The following CBR4 variants were observed in gnomAD, a reference collection of about 807,000 sequenced individuals.
CBR4 encodes carbonyl reductase 4.
In CBR4, 22 loss-of-function variants were observed where a neutral mutation model predicts 21.0. That is an observed-to-expected ratio of 1.05 (90% CI 0.75 to 1.50). CBR4 has a LOEUF of 1.50. CBR4 is among the 40% of genes most tolerant of loss of function. The pLI is 0.00. For missense variants in CBR4, 302 were observed against 286.3 expected, an observed-to-expected ratio of 1.05 and a Z score of -0.40; for synonymous variants, 100 against 104.4, an observed-to-expected ratio of 0.96 and a Z score of 0.26.
chr4:168,954,192 C>A (rs933275211), intron 2 of CBR4, among the ~76,000 whole-genome samples: 3 of 152,114 alleles, frequency 2.0e-5, no homozygotes, highest in Admixed American at 1.3e-4. Flanking sequence ...CACACACACA[C>A]AAATAAAATA....
intron 2 of CBR4, chr4:168,927,453 G>GGAA (rs1345882708): frequency 1.3e-5 from 3 of 232,720 alleles, no homozygotes; most frequent in African/African-American, 2.2e-5. Context: ...GTGTAGTAGT[G>GGAA]GAAGATTTTA....
At chr4:168,994,323 G>T (rs1477044667) in intron 4 of CBR4, among the ~76,000 whole-genome samples, 1 of 152,198 alleles carries the variant, frequency 6.6e-6, no homozygotes, top group African/African-American at 2.4e-5. Flanking sequence ...TTTCCACCCT[G>T]GGTGGGCCAG....
intron 2 of CBR4, among the ~76,000 whole-genome samples, chr4:168,944,964 TTC>T (rs146502788): frequency 2.0e-5 from 3 of 152,228 alleles, no homozygotes; most frequent in Non-Finnish European, 4.4e-5. Context: ...TTTATTCATA[TTC>T]TCTGTTAAAA....
intron 1 of CBR4, among the ~76,000 whole-genome samples, chr4:169,008,211 G>C (rs528344620): frequency 6.6e-6 from 1 of 151,888 alleles, no homozygotes; most frequent in Non-Finnish European, 1.5e-5. Context: ...TAAGTGCTAC[G>C]GATGCACTAT....
intron 2 of CBR4, among the ~76,000 whole-genome samples, chr4:168,925,578 A>G (rs1560939172): frequency 6.6e-6 from 1 of 152,204 alleles, no homozygotes; most frequent in Non-Finnish European, 1.5e-5. Context: ...AGCCAGCAGT[A>G]GACTTGTGTT....
At chr4:168,935,615 A>C (rs533675361) in intron 2 of CBR4, among the ~76,000 whole-genome samples, 1 of 152,250 alleles carries the variant, frequency 6.6e-6, no homozygotes, top group South Asian at 2.1e-4. Context: ...GTAGGCAGTT[A>C]TCCCCTCACG....
intron 2 of CBR4, chr4:168,926,495 TAAAAAA>T: frequency 8.2e-6 from 5 of 607,006 alleles, no homozygotes; most frequent in Non-Finnish European, 1.3e-5. Flanking sequence ...TATAAGAAAT[TAAAAAA>T]AAAACACCAA....
chr4:168,989,232 T>C lies in CBR4; in HGVS notation c.*918A>G, dbSNP rs1764801427. On this transcript the variant is annotated 3_prime_UTR_variant, in exon 5 of 5. Transcript: ENST00000306193. ...CTTAATTTTTTAAATGTTGTATTTC[T>C]CGTTTTTAAATATTAATAGTTCACT... 1.0e-6 allele frequency: 1 copy of C among 977,142 alleles called. No individual in the cohort carries two copies. The allele number at this position is 977,142 out of a possible 1,614,324, so 60.5% of individuals were successfully genotyped here.
At chr4:168,931,422 C>A (rs776240314) in intron 2 of CBR4, among the ~76,000 whole-genome samples, 3 of 152,002 alleles carry the variant, frequency 2.0e-5, no homozygotes, top group Non-Finnish European at 4.4e-5. Context: ...ATGCCCAGGG[C>A]CTGAGAAACA....
At chr4:168,948,722 A>G (rs2126696560) in intron 2 of CBR4, among the ~76,000 whole-genome samples, 1 of 152,254 alleles carries the variant, frequency 6.6e-6, no homozygotes, top group Middle Eastern at 3.4e-3. Flanking sequence ...CCATTGGTCT[A>G]TGTGCCTGTT....
At chr4:168,942,972 G>T (rs1400235391) in intron 2 of CBR4, among the ~76,000 whole-genome samples, 4 of 152,158 alleles carry the variant, frequency 2.6e-5, no homozygotes, top group Non-Finnish European at 5.9e-5. Context: ...ATAATAATAA[G>T]TTCTGCCAAG....
intron 2 of CBR4, among the ~76,000 whole-genome samples, chr4:168,956,540 G>C (rs777359164): frequency 2.8e-4 from 35 of 127,000 alleles, no homozygotes; most frequent in Admixed American, 9.5e-4. Flanking sequence ...AGAGGTTGTA[G>C]TGAACTGAGA....
chr4:168,894,556 T>G (rs1201650822), intron 3 of CBR4: 1 of 1,538,416 alleles, frequency 6.5e-7, no homozygotes, highest in Admixed American at 1.7e-5. Context: ...AATTTTGTAT[T>G]TTTTGTGACT....
rs778616885 is a variant in CBR4 at position 168,921,563 on chromosome 4, C to G, written n.170-26798G>C. On this transcript the variant is annotated intron_variant and non_coding_transcript_variant, in intron 2 of 3. Coordinates refer to the CBR4 transcript ENST00000509108. Reference sequence around the variant, plus strand: ...GTGGGTTACCAACCCCAGATCTAAGCTGGCAACTAGATGGAAAGCCCGTAC... The same window carrying G: ...GTGGGTTACCAACCCCAGATCTAAGGTGGCAACTAGATGGAAAGCCCGTAC... The G allele has an allele frequency of 6.2e-7, 1 of 1,608,356 alleles. No homozygotes were observed. Among genetic ancestry groups the G allele is most frequent in the Non-Finnish European group, 8.5e-7 (1 of 1,178,530 alleles).
chr4:168,927,985 T>G, intron 2 of CBR4: 1 of 195,534 alleles, frequency 5.1e-6, no homozygotes. Context: ...AATAATTTTA[T>G]ATCTGTGTAC....
intron 2 of CBR4, among the ~76,000 whole-genome samples, chr4:168,941,932 T>G (rs1763275080): frequency 6.6e-6 from 1 of 152,146 alleles, no homozygotes; most frequent in Non-Finnish European, 1.5e-5. Flanking sequence ...CACATGCACA[T>G]GTATGTTTAC....
chr4:168,940,769 G>T (rs1582297099), intron 2 of CBR4, among the ~76,000 whole-genome samples: 1 of 152,222 alleles, frequency 6.6e-6, no homozygotes, highest in South Asian at 2.1e-4. Flanking sequence ...ATCATTAAAA[G>T]TCAGGAAACA....
In CBR4 at chr4:168,987,908, C is replaced by T. The variant is rs1578986366; in HGVS notation, c.*2242G>A. ...ATGAAAAAGAGCACAAATTTTAAAG[C>T]CCTCCATGCAAAAAAAAATTAATAC... On this transcript the variant is annotated 3_prime_UTR_variant, in exon 5 of 5. Transcript: ENST00000306193. The T allele has an allele frequency of 6.1e-6, 6 of 982,994 alleles. No homozygotes were observed. The Middle Eastern group carries it at 1.6e-3, about 255-fold the overall frequency. 60.9% of individuals were successfully genotyped at this position (982,994 alleles called of 1,614,324 possible).
Position 168,925,238 on chromosome 4 carries a change from C to T in CBR4, n.170-30473G>A, listed in dbSNP as rs145720372. 1.1e-5 allele frequency: 17 copies of T among 1,607,748 alleles called. No homozygotes were observed. The East Asian group carries it at 1.8e-4, about 17-fold the overall frequency. ...CTCTCTCTTTCTATTTGTAGTTTCT[C>T]GACATTAATAGTGAACCACACCAGG... On this transcript the variant is annotated intron_variant and non_coding_transcript_variant, in intron 2 of 3. Transcript: ENST00000509108.
Sources: gnomAD v4.1 joint callset for allele counts (sites outside exome capture counted in the v4.1 genomes callset) on GRCh38, gnomAD v4.1.1 for gene constraint, MANE v1.5 for transcripts, NCBI Gene and HGNC (gene_info 2026-07-23, HGNC 2026-07-21) for gene names.